Variants in CHM observed in about 807,000 individuals in gnomAD.
CHM encodes rab proteins geranylgeranyltransferase component A 1.
CHM carries 10 observed loss-of-function variants against 49.0 expected under a neutral mutation model. The observed-to-expected ratio is 0.20, with a 90% CI of 0.13 to 0.35. CHM has a LOEUF of 0.35. Among genes scored for constraint, CHM ranks in the 10% least tolerant of loss-of-function variants. CHM has a pLI of 1.00. For synonymous variants in CHM, 184 were observed against 167.5 expected (o/e 1.10, Z -0.76); for missense variants, 455 against 478.4 (o/e 0.95, Z 0.46).
intron 8 of CHM, among the ~76,000 whole-genome samples, chrX:85,922,013 C>A (rs1927814892): frequency 8.9e-6 from 1 of 111,999 alleles, no homozygotes; most frequent in Non-Finnish European, 1.9e-5. Context: ...CATTTACACA[C>A]ATGTGCATGT....
At chrX:85,870,312 G>T (rs1007416493) in intron 14 of CHM, among the ~76,000 whole-genome samples, 3 of 111,675 alleles carry the variant, frequency 2.7e-5, no homozygotes, top group Non-Finnish European at 5.6e-5. Flanking sequence ...AAAATTGCTC[G>T]CTCTCTCTCA....
intron 8 of CHM, among the ~76,000 whole-genome samples, chrX:85,927,335 G>A (rs1297062725): frequency 9.0e-6 from 1 of 111,463 alleles, no homozygotes; most frequent in Non-Finnish European, 1.9e-5. Context: ...ATTCCCATAC[G>A]ATTCCTGTAT....
chrX:85,934,011 C>T (rs1209523945), intron 8 of CHM, among the ~76,000 whole-genome samples: 17 of 106,724 alleles, frequency 1.6e-4, no homozygotes, highest in African/African-American at 4.1e-4. Flanking sequence ...GACGGAGTCT[C>T]GCTCTGTTGC....
At chrX:85,922,958 G>A (rs917272346) in intron 8 of CHM, among the ~76,000 whole-genome samples, 10 of 112,289 alleles carry the variant, frequency 8.9e-5, no homozygotes, top group African/African-American at 3.2e-4. Flanking sequence ...TATGAGTCAT[G>A]ATGACAGAAG....
At chrX:85,881,351 T>C (rs950972081) in intron 12 of CHM, among the ~76,000 whole-genome samples, 1 of 112,440 alleles carries the variant, frequency 8.9e-6, no homozygotes, top group South Asian at 3.7e-4. Context: ...TTAAGATATA[T>C]CTATAAAATT....
chrX:86,006,320 C>A (rs1001794375), intron 2 of CHM, among the ~76,000 whole-genome samples: 3 of 111,629 alleles, frequency 2.7e-5, no homozygotes, highest in African/African-American at 9.8e-5. Context: ...TGAACGGGCA[C>A]AAACTGGAAG....
chrX:86,036,231 G>A (rs985831297), intron 1 of CHM, among the ~76,000 whole-genome samples: 1 of 111,496 alleles, frequency 9.0e-6, no homozygotes, highest in Non-Finnish European at 1.9e-5. Flanking sequence ...TTTTAGGGAG[G>A]CATGAGACAT....
chrX:85,981,529 C>T (rs377295609), intron 3 of CHM, among the ~76,000 whole-genome samples: 1 of 110,657 alleles, frequency 9.0e-6, no homozygotes, highest in Non-Finnish European at 1.9e-5. Context: ...CCATCGCACC[C>T]GAGCTCTATT....
chrX:85,942,118 T>C (rs190615592), intron 8 of CHM, among the ~76,000 whole-genome samples: 197 of 111,247 alleles, frequency 1.8e-3, no homozygotes, highest in African/African-American at 6.1e-3. Context: ...CTCCAAAATA[T>C]ACTTTCTTAT....
In CHM at chrX:85,945,431, C is replaced by CCT. The variant is rs76934031; in HGVS notation, c.1166+10720_1166+10721dup. On this transcript the variant is annotated intron_variant, in intron 8 of 14. Transcript: ENST00000357749. Reference sequence around the variant, plus strand: ...GTTGTATAAAAATGTGTGGCATCTCCCTCTCTCTCTCTCTCTCGTTCCTGC... The same window carrying CCT: ...GTTGTATAAAAATGTGTGGCATCTCCCTCTCTCTCTCTCTCTCTCGTTCCTGC... Among the ~76,000 whole-genome samples the CCT allele has an allele frequency of 7.0e-5, 7 of 99,854 alleles. No homozygotes were observed. In the East Asian group the frequency reaches 1.9e-3, roughly 28 times the overall value. The allele number at this position is 99,854 out of a possible 115,157, so 86.7% of individuals were successfully genotyped here. A position where few individuals can be genotyped will look rare whatever the true frequency, so the allele number is the denominator to read the frequency against.
At chrX:85,866,644 C>T (rs1923716651) in intron 14 of CHM, among the ~76,000 whole-genome samples, 1 of 113,018 alleles carries the variant, frequency 8.8e-6, no homozygotes. Flanking sequence ...CACTCAATGC[C>T]AGCCCATGAA....
chrX:86,030,300 T>C (rs1331505903), intron 1 of CHM, among the ~76,000 whole-genome samples: 1 of 112,840 alleles, frequency 8.9e-6, no homozygotes, highest in Non-Finnish European at 1.9e-5. Context: ...GCTGTTCTAA[T>C]GTTAAATGGC....
intron 1 of CHM, among the ~76,000 whole-genome samples, chrX:86,039,101 A>G (rs910242300): frequency 8.9e-6 from 1 of 112,282 alleles, no homozygotes; most frequent in African/African-American, 3.2e-5. Context: ...AAATGAGACA[A>G]TGCATTGTAG....
rs573907508 is a variant in CHM at position 85,988,445 on chromosome X, G to C, written c.117-6636C>G. 2.4e-4 allele frequency among the ~76,000 whole-genome samples: 27 copies of C among 111,805 alleles called. No homozygotes were observed. The East Asian group carries it at 4.2e-3, about 17-fold the overall frequency. On this transcript the variant is annotated intron_variant, in intron 2 of 14. Transcript: ENST00000357749. ...GGATTCACCTTGAAAACTGGCACAA[G>C]ACAAGAATGCCCTCTCTCACCACTC...
intron 4 of CHM, 45 bp downstream of exon 4, chrX:85,978,721 GA>G (rs777593505): frequency 8.7e-7 from 1 of 1,154,402 alleles, no homozygotes; most frequent in Non-Finnish European, 1.2e-6. Flanking sequence ...AAAGAAGAGT[GA>G]AAAAGTCATT....
chrX:85,882,774 T>C (rs1020107620), intron 12 of CHM, among the ~76,000 whole-genome samples: 1 of 111,761 alleles, frequency 8.9e-6, no homozygotes. Context: ...TTGAAACACA[T>C]GAGAAGTAGG....
chrX:85,899,324 G>A (rs1172644092), intron 11 of CHM, among the ~76,000 whole-genome samples: 1 of 111,458 alleles, frequency 9.0e-6, no homozygotes, highest in East Asian at 2.8e-4. Context: ...GGGGACATGT[G>A]TGGAAATACA....
chrX:86,025,555 T>C (rs1933769940), intron 2 of CHM, among the ~76,000 whole-genome samples: 1 of 108,943 alleles, frequency 9.2e-6, no homozygotes, highest in African/African-American at 3.4e-5. Flanking sequence ...CATGCACCTG[T>C]AGTCCTAGTT....
chrX:86,023,226 C>T (rs752014911), intron 2 of CHM, among the ~76,000 whole-genome samples: 6 of 111,316 alleles, frequency 5.4e-5, no homozygotes, highest in Admixed American at 9.6e-5. Flanking sequence ...TAAAGTAATT[C>T]TTTGACCTGA....
Sources: allele counts gnomAD v4.1 joint callset (sites outside exome capture counted in the v4.1 genomes callset), GRCh38; gene constraint gnomAD v4.1.1; transcripts MANE v1.5; gene names NCBI Gene and HGNC (gene_info 2026-07-23, HGNC 2026-07-21).